The following KIDINS220 variants were observed in gnomAD, a reference collection of about 807,000 sequenced individuals.
The protein encoded by KIDINS220 is kinase D-interacting substrate of 220 kDa.
In KIDINS220, 63 loss-of-function variants were observed where a neutral mutation model predicts 157.6. That is an observed-to-expected ratio of 0.40 (90% CI 0.33 to 0.49). The LOEUF (loss-of-function observed/expected upper bound fraction) is 0.49, where lower values mean the gene tolerates loss of function less well. KIDINS220 is among the 20% of genes least tolerant of loss of function. The pLI is 0.66. For synonymous variants in KIDINS220, 732 were observed against 783.6 expected, an observed-to-expected ratio of 0.93 and a Z score of 1.10; for missense variants, 1,772 against 2,171.2, an observed-to-expected ratio of 0.82 and a Z score of 3.65.
chr2:8,727,938 C>G (rs1253039190), downstream of KIDINS220, among the ~76,000 whole-genome samples: 1 of 152,212 alleles, frequency 6.6e-6, no homozygotes, highest in Non-Finnish European at 1.5e-5. Context: ...CTGCAGAAAG[C>G]CTGTACTCAC....
chr2:8,786,629 C>T (rs979277932), intron 15 of KIDINS220, among the ~76,000 whole-genome samples: 6 of 152,070 alleles, frequency 3.9e-5, no homozygotes, highest in Non-Finnish European at 7.4e-5. Context: ...GGGAAAGTTA[C>T]GCCAGAACTT....
intron 20 of KIDINS220, among the ~76,000 whole-genome samples, chr2:8,778,168 C>T (rs192009852): frequency 3.9e-5 from 6 of 152,208 alleles, no homozygotes; most frequent in South Asian, 2.1e-4. Context: ...GGAGAAACCC[C>T]CAGTGGCTGG....
chr2:8,828,355 A>G (rs1679130642), intron 1 of KIDINS220, among the ~76,000 whole-genome samples: 1 of 152,208 alleles, frequency 6.6e-6, no homozygotes, highest in South Asian at 2.1e-4. Flanking sequence ...CACAGGCTTC[A>G]CTGTCACCCT....
In KIDINS220 at chr2:8,733,449, A is replaced by G; in HGVS notation, c.4048T>C (p.Trp1350Arg). The G allele has an allele frequency of 6.2e-7, 1 of 1,612,192 alleles. No homozygotes were observed. The highest frequency in any genetic ancestry group is 1.1e-5 in the South Asian group (1 of 90,934). ...EGAPRHSNLS[W>R]QSQTRRTPSL... ...AAATGCCATTCAATAAATACCTGCCAACTTAGATTACTGTGACGAGGGGCA... is the reference window on the plus strand; with the variant it reads ...AAATGCCATTCAATAAATACCTGCCGACTTAGATTACTGTGACGAGGGGCA... Residue 1350 changes from tryptophan (W) to arginine (R), a missense_variant, in exon 29 of 30, where the codon TGG becomes CGG. Physicochemically the swap from Trp to Arg is moderately radical, Grantham distance 101. Coordinates refer to ENST00000256707, the MANE Select transcript of KIDINS220 (RefSeq NM_020738.4).
intron 6 of KIDINS220, among the ~76,000 whole-genome samples, chr2:8,806,730 C>G (rs1417497155): frequency 6.6e-6 from 1 of 152,172 alleles, no homozygotes; most frequent in Non-Finnish European, 1.5e-5. Context: ...CAGGTATGCA[C>G]CACCACAAAT....
intron 1 of KIDINS220, among the ~76,000 whole-genome samples, chr2:8,834,363 T>C (rs1448324197): frequency 6.6e-6 from 1 of 151,876 alleles, no homozygotes; most frequent in Non-Finnish European, 1.5e-5. Context: ...TCTCCTTGAC[T>C]CTACTCAGGC....
At chr2:8,737,080 C>G in intron 26 of KIDINS220, 81 bp from the exon 27 acceptor site, 1 of 1,355,854 alleles carries the variant, frequency 7.4e-7, no homozygotes, top group Non-Finnish European at 1.0e-6. Flanking sequence ...GAGAAAAACT[C>G]ATTAAGTTAT....
chr2:8,760,324 A>T (rs1668587184), intron 22 of KIDINS220, among the ~76,000 whole-genome samples: 1 of 152,190 alleles, frequency 6.6e-6, no homozygotes, highest in Admixed American at 6.5e-5. Flanking sequence ...TTACAAAATT[A>T]TGCAAACCAG....
At chr2:8,801,388 T>C (rs1674665901) in intron 8 of KIDINS220, among the ~76,000 whole-genome samples, 1 of 152,070 alleles carries the variant, frequency 6.6e-6, no homozygotes, top group African/African-American at 2.4e-5. Flanking sequence ...ATAGCAGAAA[T>C]AAACCAAAGG....
intron 4 of KIDINS220, among the ~76,000 whole-genome samples, chr2:8,813,979 A>C (rs1676702252): frequency 1.3e-5 from 2 of 152,208 alleles, no homozygotes; most frequent in Non-Finnish European, 2.9e-5. Flanking sequence ...CTATGTTCCT[A>C]GATATTCACT....
chr2:8,834,694 T>C (rs1558515769), intron 1 of KIDINS220, among the ~76,000 whole-genome samples: 2 of 152,134 alleles, frequency 1.3e-5, no homozygotes. Flanking sequence ...GTAGAATGAA[T>C]GGACATGCCC....
chr2:8,785,212 G>A (rs1173486135), intron 17 of KIDINS220, among the ~76,000 whole-genome samples: 1 of 152,164 alleles, frequency 6.6e-6, no homozygotes, highest in East Asian at 1.9e-4. Context: ...AAACTATGGC[G>A]ATAGTAAAAA....
intron 2 of KIDINS220, among the ~76,000 whole-genome samples, chr2:8,825,385 G>GAAAAAAAA (rs371497676): frequency 6.9e-6 from 1 of 145,658 alleles, no homozygotes; most frequent in South Asian, 2.2e-4. Flanking sequence ...AAAAAAAAAA[G>GAAAAAAAA]AAAAAGTTCT....
intron 2 of KIDINS220, among the ~76,000 whole-genome samples, chr2:8,823,716 A>C (rs1678337736): frequency 6.6e-6 from 1 of 152,306 alleles, no homozygotes; most frequent in South Asian, 2.1e-4. Flanking sequence ...AAGTGTCTCT[A>C]AAGTAAAATT....
chr2:8,727,367 C>G (rs754762517), downstream of KIDINS220: 5 of 609,406 alleles, frequency 8.2e-6, no homozygotes, highest in African/African-American at 4.0e-5. Context: ...CACGTATTCC[C>G]TCAAGTCACT....
chr2:8,739,232 A>T (rs770129659), intron 26 of KIDINS220, among the ~76,000 whole-genome samples: 30 of 152,184 alleles, frequency 2.0e-4, no homozygotes, highest in Non-Finnish European at 4.0e-4. Context: ...TTTATCCTTC[A>T]TTGGGGATTA....
At chr2:8,836,337 G>C (rs1428361879) in intron 1 of KIDINS220, among the ~76,000 whole-genome samples, 1 of 152,200 alleles carries the variant, frequency 6.6e-6, no homozygotes, top group Non-Finnish European at 1.5e-5. Flanking sequence ...AACTAGGTTG[G>C]AGAAACCCAC....
intron 7 of KIDINS220, among the ~76,000 whole-genome samples, chr2:8,805,591 C>A (rs1209410301): frequency 2.0e-5 from 3 of 152,142 alleles, no homozygotes; most frequent in Non-Finnish European, 4.4e-5. Flanking sequence ...ACCAAAGATA[C>A]TCTTATTGCT....
rs145972016 is a variant in KIDINS220, at chr2:8,798,657, A to T, written c.901-357T>A. Among the ~76,000 whole-genome samples, 375 of 152,336 alleles carry T rather than the reference A, an allele frequency of 2.5e-3. 4 individuals are homozygous for T. The highest frequency in any genetic ancestry group is 4.2e-3 in the Non-Finnish European group (287 of 68,024). ...TGACCCTTAGATTTTCATCTGTAACATGCTGTAAGTATTGCCCAATTTTTC... is the reference window on the plus strand; with the variant it reads ...TGACCCTTAGATTTTCATCTGTAACTTGCTGTAAGTATTGCCCAATTTTTC... On this transcript the variant is annotated intron_variant, in intron 9 of 29. Coordinates refer to ENST00000256707, the MANE Select transcript of KIDINS220 (RefSeq NM_020738.4).
Sources: gnomAD v4.1 joint callset for allele counts (sites outside exome capture counted in the v4.1 genomes callset) on GRCh38, gnomAD v4.1.1 for gene constraint, MANE v1.5 for transcripts, NCBI Gene and HGNC (gene_info 2026-07-23, HGNC 2026-07-21) for gene names.